Variants in NKIRAS1 observed in about 807,000 individuals in gnomAD.
The protein encoded by NKIRAS1 is NF-kappa-B inhibitor-interacting Ras-like protein 1.
In NKIRAS1, 16 loss-of-function variants were observed where a neutral mutation model predicts 19.8. That is an observed-to-expected ratio of 0.81 (90% CI 0.55 to 1.23). NKIRAS1 has a LOEUF of 1.23. NKIRAS1 is among the 50% of genes most tolerant of loss of function. The probability of loss-of-function intolerance (pLI) is 0.00; values close to 1 mark genes in which losing one functional copy is unlikely to be tolerated. For missense variants in NKIRAS1, 184 were observed against 220.0 expected (o/e 0.84, Z 1.04); for synonymous variants, 88 against 79.0 (o/e 1.11, Z -0.61).
chr3:23,908,846 CT>C (rs112291188), intron 3 of NKIRAS1, among the ~76,000 whole-genome samples: 31,362 of 141,836 alleles, frequency 0.22, 3,252 homozygotes, highest in African/African-American at 0.26. Context: ...TTCTTTCTTT[CT>C]TTTTTTTTTT....
chr3:23,921,998 A>C (rs562238872), intron 1 of NKIRAS1: 2 of 176,842 alleles, frequency 1.1e-5, no homozygotes, highest in East Asian at 1.5e-4. Context: ...GAGCCACCAC[A>C]CCGGGCCCAA....
intron 1 of NKIRAS1, among the ~76,000 whole-genome samples, chr3:23,939,846 G>A (rs1705460503): frequency 6.6e-6 from 1 of 152,204 alleles, no homozygotes; most frequent in African/African-American, 2.4e-5. Flanking sequence ...CATTAAATGT[G>A]AAAGTTTATA....
chr3:23,919,844 T>C (rs757361112), upstream of NKIRAS1: 449 of 1,023,504 alleles, frequency 4.4e-4, no homozygotes, highest in Non-Finnish European at 5.0e-4. Flanking sequence ...CCTGCAGCTT[T>C]ATCGGAGTGA....
intron 1 of NKIRAS1, among the ~76,000 whole-genome samples, chr3:23,937,189 GC>G (rs11332963): frequency 0.64 from 97,125 of 151,502 alleles, 31,336 homozygotes; most frequent in Middle Eastern, 0.73. Flanking sequence ...GACCAGCCTG[GC>G]CAATGTGGCG....
intron 1 of NKIRAS1, among the ~76,000 whole-genome samples, chr3:23,931,714 GA>G (rs1393638088): frequency 1.7e-3 from 35 of 20,934 alleles, no homozygotes; most frequent in Non-Finnish European, 3.9e-3. Flanking sequence ...AAAGGAAGGA[GA>G]GAGAGAGAGA....
intron 1 of NKIRAS1, chr3:23,923,246 G>A (rs1705146477): frequency 1.8e-5 from 2 of 113,400 alleles, no homozygotes; most frequent in Non-Finnish European, 3.4e-5. Context: ...TTGAGATGTA[G>A]TTTTGCTCTT....
chr3:23,903,702 G>A (rs552326706), intron 3 of NKIRAS1, among the ~76,000 whole-genome samples: 34 of 152,178 alleles, frequency 2.2e-4, no homozygotes, highest in African/African-American at 8.2e-4. Context: ...CAGGAAAGGG[G>A]CAATAAGAAA....
chr3:23,903,421 T>G (rs1192071003), intron 3 of NKIRAS1, among the ~76,000 whole-genome samples: 1 of 152,006 alleles, frequency 6.6e-6, no homozygotes, highest in Non-Finnish European at 1.5e-5. Flanking sequence ...GGCCTAGGGG[T>G]CCATTTTTAA....
intron 1 of NKIRAS1, among the ~76,000 whole-genome samples, chr3:23,935,207 T>C (rs1422363661): frequency 1.1e-5 from 1 of 93,782 alleles, no homozygotes; most frequent in Non-Finnish European, 2.6e-5. Flanking sequence ...ATGAATATTA[T>C]TGTTAAAAAA....
Position 23,890,839 on chromosome 3 carries a change from TGTA to T in NKIRAS1, c.*2253_*2255del, listed in dbSNP as rs1174889641. 2.6e-6 allele frequency: 1 copy of T among 384,170 alleles called. No homozygotes were observed. The highest frequency in any genetic ancestry group is 4.3e-5 in the East Asian group (1 of 23,362). 23.8% of individuals were successfully genotyped at this position (384,170 alleles called of 1,614,324 possible). A position where few individuals can be genotyped will look rare whatever the true frequency, so the allele number is the denominator to read the frequency against. On this transcript the variant is annotated 3_prime_UTR_variant, in exon 5 of 5. Transcript: ENST00000425478. ...ATTAGTTCTGCAATATTAGCTGAAA[TGTA>T]GTACAGAAAAGAATGTACATTTAGA...
chr3:23,896,458 C>T (rs1487037941), intron 4 of NKIRAS1, among the ~76,000 whole-genome samples: 1 of 151,428 alleles, frequency 6.6e-6, no homozygotes, highest in African/African-American at 2.4e-5. Flanking sequence ...TCTAAAAATA[C>T]AAAAATTAGC....
chr3:23,935,465 G>T (rs1209957134), intron 1 of NKIRAS1, among the ~76,000 whole-genome samples: 3 of 151,948 alleles, frequency 2.0e-5, no homozygotes, highest in Non-Finnish European at 4.4e-5. Flanking sequence ...TCCCAGGCTG[G>T]AGTGCAGTGG....
At chr3:23,943,326 G>A (rs1705544298) in intron 1 of NKIRAS1, among the ~76,000 whole-genome samples, 1 of 152,114 alleles carries the variant, frequency 6.6e-6, no homozygotes, top group African/African-American at 2.4e-5. Context: ...TCCGCCTTCC[G>A]GGTTCAAGCG....
intron 3 of NKIRAS1, among the ~76,000 whole-genome samples, chr3:23,901,958 A>G (rs1702564494): frequency 6.6e-6 from 1 of 152,188 alleles, no homozygotes; most frequent in South Asian, 2.1e-4. Context: ...CTGTTATCCC[A>G]GCTACTCAGG....
At chr3:23,931,209 G>C (rs1705309372) in intron 1 of NKIRAS1, among the ~76,000 whole-genome samples, 1 of 152,028 alleles carries the variant, frequency 6.6e-6, no homozygotes, top group South Asian at 2.1e-4. Context: ...TCTTCGTAAA[G>C]TTTCAAACAA....
Position 23,890,406 on chromosome 3 carries a change from C to G in NKIRAS1, c.*2689G>C. On this transcript the variant is annotated 3_prime_UTR_variant, in exon 5 of 5. Transcript: ENST00000425478. ...GTGGTGTTTCGAAGATGGGTTTGATCACACATACTTTGTCGTACGTATCTA... is the reference window on the plus strand; with the variant it reads ...GTGGTGTTTCGAAGATGGGTTTGATGACACATACTTTGTCGTACGTATCTA... 1 of 1,033,716 alleles carries G rather than the reference C, an allele frequency of 9.7e-7. No homozygotes were observed. The highest frequency in any genetic ancestry group is 1.8e-5 in the South Asian group (1 of 55,844). The allele number at this position is 1,033,716 out of a possible 1,614,324, so 64.0% of individuals were successfully genotyped here.
At chr3:23,945,682 T>A in intron 1 of NKIRAS1, 1 of 180,416 alleles carries the variant, frequency 5.5e-6, no homozygotes, top group Non-Finnish European at 1.0e-5. Flanking sequence ...GCAGGGGGTG[T>A]CCCCATGGCC....
In NKIRAS1 at chr3:23,942,928, T is replaced by C. The variant is rs541570623; in HGVS notation, c.-140+3395A>G. 9.9e-5 allele frequency among the ~76,000 whole-genome samples: 15 copies of C among 152,104 alleles called. 1 individual carries two copies. The South Asian group carries it at 1.7e-3, about 17-fold the overall frequency. On this transcript the variant is annotated intron_variant, in intron 1 of 4. Coordinates refer to the NKIRAS1 transcript ENST00000421515. ...AAACCCGGCTAATTTTTGTATTTTT[T>C]GTAGAGATGGAGTTTCGCCATATCG...
intron 4 of NKIRAS1, among the ~76,000 whole-genome samples, chr3:23,894,942 C>A (rs920337122): frequency 1.3e-5 from 2 of 152,352 alleles, no homozygotes; most frequent in East Asian, 3.9e-4. Flanking sequence ...CACGTAGATG[C>A]TGCTTCCAGT....
Sources: gnomAD v4.1 joint callset for allele counts (sites outside exome capture counted in the v4.1 genomes callset) on GRCh38, gnomAD v4.1.1 for gene constraint, MANE v1.5 for transcripts, NCBI Gene and HGNC (gene_info 2026-07-23, HGNC 2026-07-21) for gene names.